Variants in ARPIN observed in about 807,000 individuals in gnomAD.
ARPIN encodes the protein actin related protein 2/3 complex inhibitor.
ARPIN carries 23 observed loss-of-function variants against 25.9 expected under a neutral mutation model. That is an observed-to-expected ratio of 0.89 (90% CI 0.64 to 1.26). The LOEUF (loss-of-function observed/expected upper bound fraction) is 1.26, where lower values mean the gene tolerates loss of function less well. ARPIN is among the 50% of genes most tolerant of loss of function. ARPIN has a pLI of 0.00. For synonymous variants in ARPIN, 126 were observed against 131.4 expected, an observed-to-expected ratio of 0.96 and a Z score of 0.28; for missense variants, 333 against 312.2, an observed-to-expected ratio of 1.07 and a Z score of -0.50.
At chr15:89,903,096 A>G in intron 5 of ARPIN, 120 bp downstream of exon 5, 2 of 1,597,238 alleles carry the variant, frequency 1.3e-6, no homozygotes, top group South Asian at 2.2e-5. Context: ...GTTTCACAGA[A>G]TTCCACTAAA....
intron 1 of ARPIN, chr15:89,912,457 G>T (rs1005720110): frequency 4.9e-6 from 6 of 1,231,194 alleles, no homozygotes; most frequent in Non-Finnish European, 6.1e-6. Flanking sequence ...GGAGGTCGGC[G>T]TGAGGCGAAG....
intron 3 of ARPIN, among the ~76,000 whole-genome samples, chr15:89,907,806 A>C (rs1192177054): frequency 6.6e-6 from 1 of 152,254 alleles, no homozygotes; most frequent in Non-Finnish European, 1.5e-5. Flanking sequence ...GCCACTAAAA[A>C]TGCACAAAGA....
rs1896968914 is a variant in ARPIN, at chr15:89,898,694, G to A, written c.*3101C>T. Reference sequence around the variant, plus strand: ...TTAAGGAGGAAGCGAGCCGAGAAAGGAGGGTTGTGACATTGTGATGAGCTC... The same window carrying A: ...TTAAGGAGGAAGCGAGCCGAGAAAGAAGGGTTGTGACATTGTGATGAGCTC... On this transcript the variant is annotated 3_prime_UTR_variant, in exon 6 of 6. Coordinates refer to ENST00000357484, the MANE Select transcript of ARPIN (RefSeq NM_182616.4). 6.7e-6 allele frequency: 1 copy of A among 149,290 alleles called. No individual in the cohort carries two copies. The allele number at this position is 149,290 out of a possible 1,614,324, so 9.2% of individuals were successfully genotyped here. A position where few individuals can be genotyped will look rare whatever the true frequency, so the allele number is the denominator to read the frequency against.
intron 1 of ARPIN, 122 bp downstream of exon 1, chr15:89,912,622 G>C: frequency 7.4e-7 from 1 of 1,352,356 alleles, no homozygotes; most frequent in Non-Finnish European, 9.4e-7. Context: ...GACTGAAGGC[G>C]GAGAGGCGGC....
chr15:89,912,381 A>C, intron 1 of ARPIN: 4 of 1,047,554 alleles, frequency 3.8e-6, no homozygotes, highest in East Asian at 8.0e-5. Context: ...GGGGCAGGGC[A>C]TGAGTCTGTG....
intron 3 of ARPIN, among the ~76,000 whole-genome samples, chr15:89,904,615 T>C (rs1214014458): frequency 6.6e-6 from 1 of 152,150 alleles, no homozygotes; most frequent in Non-Finnish European, 1.5e-5. Flanking sequence ...GGAGGAGTCC[T>C]AAATCCAGGT....
Position 89,896,374 on chromosome 15 carries a change from ATAT to A in ARPIN, c.*5418_*5420del, listed in dbSNP as rs1405105545. 6.6e-6 allele frequency: 1 copy of A among 152,230 alleles called. No individual in the cohort carries two copies. Among genetic ancestry groups the A allele is most frequent in the Non-Finnish European group, 1.5e-5 (1 of 68,042 alleles). The allele number at this position is 152,230 out of a possible 1,614,324, so 9.4% of individuals were successfully genotyped here. A position where few individuals can be genotyped will look rare whatever the true frequency, so the allele number is the denominator to read the frequency against. On this transcript the variant is annotated 3_prime_UTR_variant, in exon 6 of 6. Transcript: ENST00000357484. The stretch of plus-strand genomic sequence containing the variant: ...TGTAATTATAGGAAGAATAACTGAA[ATAT>A]TATAAATAATTTAGGCATAAAATAA...
chr15:89,910,973 G>T (rs575394493), intron 1 of ARPIN, among the ~76,000 whole-genome samples, 154 bp from the exon 2 acceptor site: 2 of 152,304 alleles, frequency 1.3e-5, no homozygotes, highest in African/African-American at 2.4e-5. Flanking sequence ...GGTCCCAAAG[G>T]CTGGGGCATT....
intron 1 of ARPIN, among the ~76,000 whole-genome samples, chr15:89,911,116 C>T (rs1401174081): frequency 1.3e-5 from 2 of 152,236 alleles, no homozygotes; most frequent in Non-Finnish European, 2.9e-5. Flanking sequence ...ACAGCTGCCT[C>T]ACTCTGCTCC....
chr15:89,905,023 C>T (rs1367254754), intron 3 of ARPIN, among the ~76,000 whole-genome samples: 1 of 102,432 alleles, frequency 9.8e-6, no homozygotes, highest in Non-Finnish European at 2.1e-5. Context: ...ACCTGTCAAC[C>T]CTTTTTTTTT....
intron 3 of ARPIN, among the ~76,000 whole-genome samples, chr15:89,904,946 AGCATCTCACTTTCTTT>A (rs1156431708): frequency 6.6e-6 from 1 of 151,844 alleles, no homozygotes; most frequent in Non-Finnish European, 1.5e-5. Context: ...CTCTAGACAG[AGCATCTCACTTTCTTT>A]GCAAGGTAAC....
intron 1 of ARPIN, chr15:89,912,460 A>G: frequency 8.1e-7 from 1 of 1,235,148 alleles, no homozygotes; most frequent in Non-Finnish European, 1.0e-6. Context: ...GGTCGGCGTG[A>G]GGCGAAGCCC....
At chr15:89,908,552 T>C (rs770904088) in intron 2 of ARPIN, 140 bp from the exon 3 acceptor site, 108 of 1,390,620 alleles carry the variant, frequency 7.8e-5, no homozygotes, top group Non-Finnish European at 1.0e-4. Context: ...GCTAGGCAGA[T>C]GCTCCCTCTG....
chr15:89,907,348 A>T (rs1205760325), intron 3 of ARPIN, among the ~76,000 whole-genome samples: 2 of 152,138 alleles, frequency 1.3e-5, no homozygotes, highest in Non-Finnish European at 2.9e-5. Flanking sequence ...GATTATAGGC[A>T]TGAGCCACCA....
rs1567195289 is a variant in ARPIN at position 89,903,997 on chromosome 15, G to A, written c.302-14C>T. On this transcript the variant is annotated splice_polypyrimidine_tract_variant and intron_variant, in intron 3 of 5. Transcript: ENST00000357484. ...TGGCTTCCACCTCTGCAGGCACAGA[G>A]CGCAGGAGGGTCATTATCACTGTGG... The A allele has an allele frequency of 6.3e-7, 1 of 1,592,090 alleles. No homozygotes were observed. The highest frequency in any genetic ancestry group is 8.5e-7 in the Non-Finnish European group (1 of 1,171,252).
chr15:89,902,082 T>C (rs945186538), intron 5 of ARPIN, among the ~76,000 whole-genome samples: 2 of 152,158 alleles, frequency 1.3e-5, no homozygotes, highest in South Asian at 4.2e-4. Context: ...CCTAGATAAA[T>C]AGTGCATTTT....
chr15:89,912,663 T>TGCCCC, intron 1 of ARPIN, 81 bp downstream of exon 1: 2 of 871,112 alleles, frequency 2.3e-6, no homozygotes, highest in Non-Finnish European at 2.8e-6. Context: ...CCCACCCGCA[T>TGCCCC]CCCACCCCCC....
At chr15:89,907,119 A>C (rs1897134738) in intron 3 of ARPIN, among the ~76,000 whole-genome samples, 1 of 151,422 alleles carries the variant, frequency 6.6e-6, no homozygotes. Context: ...CCTAGGCTGG[A>C]GTGCAGTGGT....
At chr15:89,902,911 G>C in intron 5 of ARPIN, 1 of 1,311,758 alleles carries the variant, frequency 7.6e-7, no homozygotes, top group Non-Finnish European at 9.8e-7. Flanking sequence ...TTCACTTGAA[G>C]TAGAAATGTT....
Sources: allele counts gnomAD v4.1 joint callset (sites outside exome capture counted in the v4.1 genomes callset), GRCh38; gene constraint gnomAD v4.1.1; transcripts MANE v1.5; gene names NCBI Gene and HGNC (gene_info 2026-07-23, HGNC 2026-07-21).